The following ARHGEF10 variants were observed in gnomAD, a reference collection of about 807,000 sequenced individuals.
ARHGEF10 encodes Rho guanine nucleotide exchange factor (GEF) 10.
Under a neutral mutation model 147.4 loss-of-function variants are expected in ARHGEF10, and 140 were observed. That is an observed-to-expected ratio of 0.95 (90% CI 0.83 to 1.09). The LOEUF (loss-of-function observed/expected upper bound fraction) is 1.09. Ranked by LOEUF, ARHGEF10 falls within the 50% of genes least tolerant of loss-of-function variation. The pLI is 0.00. For missense variants in ARHGEF10, 2,222 were observed against 1,752.7 expected (o/e 1.27, Z -4.78); for synonymous variants, 902 against 695.8 (o/e 1.30, Z -4.67).
At chr8:1,872,083 G>C (rs2129099121) in intron 7 of ARHGEF10, among the ~76,000 whole-genome samples, 1 of 151,708 alleles carries the variant, frequency 6.6e-6, no homozygotes, top group African/African-American at 2.4e-5. Context: ...AGGAAGGAAA[G>C]GAAGGAAGGA....
chr8:1,946,313 G>C (rs1323415323), intron 27 of ARHGEF10, among the ~76,000 whole-genome samples: 1 of 152,204 alleles, frequency 6.6e-6, no homozygotes, highest in Non-Finnish European at 1.5e-5. Context: ...GTTTTAAGGG[G>C]AAGGCATGAA....
upstream of ARHGEF10, among the ~76,000 whole-genome samples, chr8:1,823,421 C>A (rs1029844069): frequency 1.8e-4 from 27 of 150,804 alleles, no homozygotes; most frequent in Non-Finnish European, 3.7e-4. Context: ...GGGCGCACCC[C>A]GGGTGTCCGC....
chr8:1,859,823 C>G lies in ARHGEF10; in HGVS notation c.194-74C>G. On this transcript the variant is annotated intron_variant, in intron 3 of 28. Transcript: ENST00000349830. ...GGTGGGAGCTCATACCTGCTTCCCACTTGCGCTCCAGGAGGGCATGCCTGC... is the reference window on the plus strand; with the variant it reads ...GGTGGGAGCTCATACCTGCTTCCCAGTTGCGCTCCAGGAGGGCATGCCTGC... 9 of 1,575,706 alleles carry G rather than the reference C, an allele frequency of 5.7e-6. No individual in the cohort carries two copies. In the South Asian group the frequency reaches 6.7e-5, roughly 12 times the overall value.
In ARHGEF10 at chr8:1,928,434, G is replaced by A; in HGVS notation, c.2705G>A (p.Ser902Asn). 1.2e-6 allele frequency: 2 copies of A among 1,613,188 alleles called. No individual in the cohort carries two copies. Among genetic ancestry groups the A allele is most frequent in the East Asian group, 4.5e-5 (2 of 44,858 alleles). Reference sequence around the variant, plus strand: ...CCTAATTCTCTGATTCAGATCGGAAGTTGCACCCATCAAATGGGTCAGATT... The same window carrying A: ...CCTAATTCTCTGATTCAGATCGGAAATTGCACCCATCAAATGGGTCAGATT... The part of the protein sequence containing the change: ...STAHGFLWIG[S>N]CTHQMGQIAI... Residue 902 changes from serine to asparagine, a missense_variant, in exon 24 of 29, where the codon AGT (serine) becomes AAT (asparagine). Ser to Asn is a conservative substitution (Grantham distance 46). Coordinates refer to ENST00000349830, the MANE Select transcript of ARHGEF10 (RefSeq NM_014629.4).
chr8:1,872,765 C>T (rs1347946357), intron 7 of ARHGEF10, among the ~76,000 whole-genome samples: 1 of 152,140 alleles, frequency 6.6e-6, no homozygotes, highest in Admixed American at 6.5e-5. Flanking sequence ...GGGAGGAGCT[C>T]ACGGCGTTCG....
chr8:1,925,582 A>G (rs943467700), intron 22 of ARHGEF10, among the ~76,000 whole-genome samples, 178 bp downstream of exon 22: 1 of 152,142 alleles, frequency 6.6e-6, no homozygotes, highest in African/African-American at 2.4e-5. Context: ...ATTGAAACCT[A>G]AAAAAACGCC....
chr8:1,914,166 A>C (rs1387778988), intron 18 of ARHGEF10, among the ~76,000 whole-genome samples: 1 of 152,256 alleles, frequency 6.6e-6, no homozygotes, highest in Non-Finnish European at 1.5e-5. Flanking sequence ...AAGCTTGAAC[A>C]GCTGAATATA....
At chr8:1,921,313 T>C (rs1362131109) in intron 18 of ARHGEF10, among the ~76,000 whole-genome samples, 3 of 152,226 alleles carry the variant, frequency 2.0e-5, no homozygotes, top group Non-Finnish European at 4.4e-5. Context: ...TGTAGGTTCT[T>C]TCAGTTTTGA....
intron 1 of ARHGEF10, among the ~76,000 whole-genome samples, chr8:1,830,518 G>C (rs1251105664): frequency 6.6e-6 from 1 of 152,224 alleles, no homozygotes; most frequent in Non-Finnish European, 1.5e-5. Flanking sequence ...TGCACATGAA[G>C]AAAATCTACC....
intron 25 of ARHGEF10, among the ~76,000 whole-genome samples, chr8:1,930,826 C>T (rs567437712): frequency 6.6e-6 from 1 of 151,056 alleles, no homozygotes; most frequent in East Asian, 2.0e-4. Flanking sequence ...TTCTTTCTCA[C>T]TCCGGTAGGT....
In ARHGEF10 at chr8:1,889,372, G is replaced by A. The variant is rs1253736500; in HGVS notation, c.1182+3665G>A. Among the ~76,000 whole-genome samples the A allele has an allele frequency of 1.9e-5, 2 of 107,258 alleles. 1 individual carries two copies. The highest frequency in any genetic ancestry group is 3.8e-5 in the Non-Finnish European group (2 of 52,836). The allele number at this position is 107,258 out of a possible 152,430, so 70.4% of individuals were successfully genotyped here. A position where few individuals can be genotyped will look rare whatever the true frequency, so the allele number is the denominator to read the frequency against. ...TGAGGAGACACTGAGTGGGGTGAGG[G>A]GTATGTGAGGAGACAGTGATGTGAG... On this transcript the variant is annotated intron_variant, in intron 11 of 28. Transcript: ENST00000349830.
chr8:1,931,451 G>C (rs372974672), intron 25 of ARHGEF10, among the ~76,000 whole-genome samples: 1 of 152,244 alleles, frequency 6.6e-6, no homozygotes, highest in African/African-American at 2.4e-5. Context: ...CCCGTGCAGG[G>C]CTGTGTTTTC....
At chr8:1,877,266 C>G (rs985445580) in intron 8 of ARHGEF10, among the ~76,000 whole-genome samples, 1 of 152,124 alleles carries the variant, frequency 6.6e-6, no homozygotes, top group Admixed American at 6.5e-5. Context: ...CTCGTTCTGT[C>G]TCCCAGGCTG....
rs1264770598 is a variant in ARHGEF10, at chr8:1,855,134, T to C, written c.38-2826T>C. Reference sequence around the variant, plus strand: ...CAGTGTGGGTTCCGGTCCCAACAGCTCATGTTTCTCCCCTTGCAGATATTT... The same window carrying C: ...CAGTGTGGGTTCCGGTCCCAACAGCCCATGTTTCTCCCCTTGCAGATATTT... On this transcript the variant is annotated intron_variant, in intron 2 of 28. Coordinates refer to ENST00000349830, the MANE Select transcript of ARHGEF10 (RefSeq NM_014629.4). 3.3e-5 allele frequency among the ~76,000 whole-genome samples: 5 copies of C among 152,278 alleles called. No individual in the cohort carries two copies. In the East Asian group the frequency reaches 9.6e-4, roughly 29 times the overall value.
intron 15 of ARHGEF10, 113 bp from the exon 16 acceptor site, chr8:1,903,168 A>C (rs1345779449): frequency 6.7e-6 from 9 of 1,337,856 alleles, no homozygotes; most frequent in Non-Finnish European, 9.7e-6. Context: ...ATTTTTCCCC[A>C]GGATGGCAGA....
chr8:1,870,586 C>G (rs1807028063), intron 7 of ARHGEF10: 1 of 152,094 alleles, frequency 6.6e-6, no homozygotes, highest in African/African-American at 2.4e-5. Context: ...AATGCAAATT[C>G]TAACCAAAGT....
At chr8:1,916,613 A>G (rs1216558631) in intron 18 of ARHGEF10, among the ~76,000 whole-genome samples, 2 of 152,138 alleles carry the variant, frequency 1.3e-5, no homozygotes, top group African/African-American at 4.8e-5. Context: ...ACCACATAGG[A>G]TTTATTTTGC....
intron 5 of ARHGEF10, among the ~76,000 whole-genome samples, chr8:1,865,522 G>A (rs13265646): frequency 0.54 from 80,674 of 148,432 alleles, 21,659 homozygotes; most frequent in East Asian, 0.69. Context: ...CCATGAGGCC[G>A]TCACCAGGAC....
At position 1,898,453 on chromosome 8, in the gene ARHGEF10, C is replaced by T. The variant is rs746072431; in HGVS notation, c.1578C>T (p.Pro526=). 4.8e-5 allele frequency: 77 copies of T among 1,613,974 alleles called. No individual in the cohort carries two copies. Among genetic ancestry groups the T allele is most frequent in the African/African-American group, 1.3e-4 (10 of 74,908 alleles). Residue 526 remains proline, a synonymous_variant, in exon 15 of 29, where the codon CCC becomes CCT. Coordinates refer to ENST00000349830, the MANE Select transcript of ARHGEF10 (RefSeq NM_014629.4). ...CACAGCAGGAACAGGAGGCCAGCCC[C>T]GATCGAACCACGCTCTACAGCCTGA... ...EFLKQEQEAS[P]DRTTLYSLMM...
Sources: allele counts gnomAD v4.1 joint callset (sites outside exome capture counted in the v4.1 genomes callset), GRCh38; gene constraint gnomAD v4.1.1; transcripts MANE v1.5; gene names NCBI Gene and HGNC (gene_info 2026-07-23, HGNC 2026-07-21).